RAD51B: variants seen among roughly 807,000 people sequenced by gnomAD.
RAD51B encodes the protein DNA repair protein RAD51 homolog 2.
In RAD51B, 38 loss-of-function variants were observed where a neutral mutation model predicts 42.2. The observed-to-expected ratio is 0.90, with a 90% CI of 0.70 to 1.18. The LOEUF is 1.18. RAD51B is among the 50% of genes most tolerant of loss of function. The probability of loss-of-function intolerance (pLI) is 0.00; values close to 1 mark genes in which losing one functional copy is unlikely to be tolerated. For missense variants in RAD51B, 373 were observed against 400.7 expected, an observed-to-expected ratio of 0.93 and a Z score of 0.59; for synonymous variants, 154 against 145.2, an observed-to-expected ratio of 1.06 and a Z score of -0.43.
chr14:67,896,256 A>G (rs1595075763), intron 7 of RAD51B, among the ~76,000 whole-genome samples: 1 of 152,222 alleles, frequency 6.6e-6, no homozygotes, highest in Non-Finnish European at 1.5e-5. Context: ...TACACTACTT[A>G]AAGGGAAAAC....
At chr14:67,973,022 G>A (rs1566986334) in intron 7 of RAD51B, among the ~76,000 whole-genome samples, 1 of 152,062 alleles carries the variant, frequency 6.6e-6, no homozygotes, top group African/African-American at 2.4e-5. Context: ...CTAGGGGCAG[G>A]TCTATGCTGG....
At chr14:68,005,844 A>G (rs1265745395) in intron 7 of RAD51B, among the ~76,000 whole-genome samples, 1 of 152,196 alleles carries the variant, frequency 6.6e-6, no homozygotes, top group Non-Finnish European at 1.5e-5. Flanking sequence ...CAGGAAGCAT[A>G]ACGGCTTCTG....
At chr14:67,830,292 G>A (rs184293539) in intron 3 of RAD51B, among the ~76,000 whole-genome samples, 1 of 152,314 alleles carries the variant, frequency 6.6e-6, no homozygotes, top group African/African-American at 2.4e-5. Flanking sequence ...AAATATTCAC[G>A]AAGATTAGTT....
At chr14:68,378,636 G>A (rs2083418552) in intron 8 of RAD51B, among the ~76,000 whole-genome samples, 1 of 150,064 alleles carries the variant, frequency 6.7e-6, no homozygotes, top group South Asian at 2.1e-4. Flanking sequence ...TTATCATGCT[G>A]TATTTTAAAT....
intron 7 of RAD51B, among the ~76,000 whole-genome samples, chr14:67,938,159 T>C (rs1379903795): frequency 6.6e-6 from 1 of 152,228 alleles, no homozygotes; most frequent in Non-Finnish European, 1.5e-5. Context: ...TTTATGTGAA[T>C]AGTTCTCTAA....
intron 8 of RAD51B, among the ~76,000 whole-genome samples, chr14:68,378,352 C>A (rs1256471541): frequency 2.6e-5 from 4 of 152,166 alleles, no homozygotes; most frequent in African/African-American, 4.8e-5. Context: ...AGACTCAGAT[C>A]ATTTAATTTA....
At chr14:68,671,384 G>T (rs181628865) in intron 11 of RAD51B, among the ~76,000 whole-genome samples, 4 of 152,274 alleles carry the variant, frequency 2.6e-5, no homozygotes, top group Non-Finnish European at 4.4e-5. Context: ...CACATCTCCA[G>T]TTTGCTGTAC....
At chr14:68,577,518 A>G (rs75406467) in intron 10 of RAD51B, among the ~76,000 whole-genome samples, 1 of 149,894 alleles carries the variant, frequency 6.7e-6, no homozygotes, top group South Asian at 2.1e-4. Flanking sequence ...AAAAAAAAAA[A>G]ATGGAATCCT....
At chr14:68,385,095 C>G (rs529058145) in intron 8 of RAD51B, among the ~76,000 whole-genome samples, 1 of 151,856 alleles carries the variant, frequency 6.6e-6, no homozygotes. Flanking sequence ...TTAGTTCGGA[C>G]ACCACATTGT....
chr14:68,637,550 CG>C (rs1566961279), intron 10 of RAD51B, among the ~76,000 whole-genome samples: 1 of 152,006 alleles, frequency 6.6e-6, no homozygotes, highest in Non-Finnish European at 1.5e-5. Flanking sequence ...AATGGGGAGA[CG>C]GAGAAGAATT....
chr14:68,468,192 T>TCTGGCCCC lies in RAD51B; in HGVS notation c.983_984insCCCCTGGC (p.Phe330TrpfsTer32). On this transcript the variant is annotated frameshift_variant, in exon 10 of 11. Coordinates refer to ENST00000471583, the MANE Select transcript of RAD51B (RefSeq NM_133510.4). LOFTEE classifies it high-confidence loss of function. ...TGCAGATTCTTATTGCCAAGTCCCC[T>TCTGGCCCC]CTGGCTCCCTTCACCTCATTTGTCT... 6.2e-7 allele frequency: 1 copy of TCTGGCCCC among 1,614,058 alleles called. No individual in the cohort carries two copies. Among genetic ancestry groups the TCTGGCCCC allele is most frequent in the Non-Finnish European group, 8.5e-7 (1 of 1,179,912 alleles).
chr14:68,457,724 G>A (rs528904024), intron 9 of RAD51B, among the ~76,000 whole-genome samples: 157 of 150,550 alleles, frequency 1.0e-3, no homozygotes, highest in Non-Finnish European at 1.9e-3. Context: ...TCAGCCTCCC[G>A]AGTAGCTGGG....
chr14:68,458,111 G>T (rs1271364540), intron 9 of RAD51B, among the ~76,000 whole-genome samples: 2 of 152,146 alleles, frequency 1.3e-5, no homozygotes, highest in Admixed American at 6.5e-5. Context: ...AATAAGATGG[G>T]TTGATAGATA....
At chr14:68,540,235 CAT>C (rs1826956737) in intron 10 of RAD51B, 3 of 947,402 alleles carry the variant, frequency 3.2e-6, no homozygotes, top group Non-Finnish European at 3.7e-6. Flanking sequence ...TCGAGGCAAA[CAT>C]AGGATCGTCT....
At chr14:68,259,775 C>T (rs551172894) in intron 7 of RAD51B, among the ~76,000 whole-genome samples, 1 of 152,072 alleles carries the variant, frequency 6.6e-6, no homozygotes, top group Admixed American at 6.6e-5. Context: ...TAGCAGGCAC[C>T]AGTTAAGCAT....
intron 7 of RAD51B, among the ~76,000 whole-genome samples, chr14:67,986,080 C>T (rs771897995): frequency 6.6e-5 from 10 of 152,102 alleles, no homozygotes; most frequent in South Asian, 6.2e-4. Context: ...ACAATGTGCA[C>T]GTACGTGCTA....
At chr14:68,183,059 G>A (rs2038979) in intron 7 of RAD51B, among the ~76,000 whole-genome samples, 132,443 of 152,198 alleles carry the variant, frequency 0.87, 57,866 homozygotes, top group East Asian at 0.98. Context: ...CTCATCTTGT[G>A]TTAGGGTTCT....
At chr14:68,373,601 T>C (rs10132981) in intron 8 of RAD51B, among the ~76,000 whole-genome samples, 130,519 of 151,994 alleles carry the variant, frequency 0.86, 56,330 homozygotes, top group East Asian at 0.99. Context: ...GGGAACTTCA[T>C]ACACCGGGGC....
At chr14:67,985,562 A>T (rs2075170041) in intron 7 of RAD51B, among the ~76,000 whole-genome samples, 1 of 152,048 alleles carries the variant, frequency 6.6e-6, no homozygotes, top group South Asian at 2.1e-4. Context: ...GTTTCCTTTA[A>T]TACAGCAGCT....
Sources: gnomAD v4.1 joint callset for allele counts (sites outside exome capture counted in the v4.1 genomes callset) on GRCh38, gnomAD v4.1.1 for gene constraint, MANE v1.5 for transcripts, NCBI Gene and HGNC (gene_info 2026-07-23, HGNC 2026-07-21) for gene names.